The following BRDT variants were observed in gnomAD, a reference collection of about 807,000 sequenced individuals.
BRDT encodes bromodomain testis associated, also known as bromodomain testis-specific protein.
Under a neutral mutation model 113.9 loss-of-function variants are expected in BRDT, and 77 were observed. The observed-to-expected ratio is 0.68, with a 90% confidence interval of 0.56 to 0.82. BRDT has a LOEUF of 0.82. Ranked by LOEUF, BRDT falls within the 40% of genes least tolerant of loss-of-function variation. The pLI, the probability that BRDT is intolerant of heterozygous loss-of-function variation, is 0.00. For missense variants in BRDT, 1,027 were observed against 1,105.4 expected, an observed-to-expected ratio of 0.93 and a Z score of 1.01; for synonymous variants, 358 against 366.5, an observed-to-expected ratio of 0.98 and a Z score of 0.26.
At chr1:91,956,425 T>C (rs1681774400) in intron 1 of BRDT, among the ~76,000 whole-genome samples, 2 of 152,068 alleles carry the variant, frequency 1.3e-5, no homozygotes, top group Admixed American at 1.3e-4. Flanking sequence ...ATTTTAGCAC[T>C]GTCCCTTAGA....
At chr1:91,993,394 T>G (rs911887278) in intron 14 of BRDT, among the ~76,000 whole-genome samples, 18 of 152,176 alleles carry the variant, frequency 1.2e-4, no homozygotes, top group African/African-American at 4.1e-4. Context: ...AGGTGTGAGA[T>G]TTCAGGTAAG....
intron 18 of BRDT, 46 bp downstream of exon 18, chr1:92,005,345 T>G: frequency 6.9e-7 from 1 of 1,445,498 alleles, no homozygotes; most frequent in Non-Finnish European, 9.1e-7. Context: ...AAGGGAAAGA[T>G]TTAACAGAGC....
chr1:91,962,595 A>G, intron 1 of BRDT, 123 bp from the exon 2 acceptor site: 1 of 485,454 alleles, frequency 2.1e-6, no homozygotes, highest in Non-Finnish European at 3.4e-6. Flanking sequence ...TGGCCTCCCA[A>G]AGTGTTGAGA....
Position 91,977,075 on chromosome 1 carries a change from A to G in BRDT, c.651A>G (p.Thr217=). 6.2e-7 allele frequency: 1 copy of G among 1,610,466 alleles called. No individual in the cohort carries two copies. The highest frequency in any genetic ancestry group is 8.5e-7 in the Non-Finnish European group (1 of 1,178,558). ...VTKGVKRKAD[T]TTPATSAVKA... Reference sequence around the variant, plus strand: ...AAGGTGTGAAGAGGAAAGCAGATACAACAACTCCTGCAACTTCAGCAGTTA... The same window carrying G: ...AAGGTGTGAAGAGGAAAGCAGATACGACAACTCCTGCAACTTCAGCAGTTA... The change falls in exon 6 of 19, where the codon ACA becomes ACG. Residue 217 remains threonine, a synonymous_variant. Coordinates refer to ENST00000399546, the MANE Select transcript of BRDT (RefSeq NM_207189.4).
At chr1:91,957,965 A>G (rs1186004949) in intron 1 of BRDT, among the ~76,000 whole-genome samples, 1 of 151,950 alleles carries the variant, frequency 6.6e-6, no homozygotes, top group Non-Finnish European at 1.5e-5. Context: ...TCAGCCTCCA[A>G]GCAGCTGGGA....
chr1:91,977,965 T>G (rs1246475222), intron 6 of BRDT, among the ~76,000 whole-genome samples: 2 of 152,200 alleles, frequency 1.3e-5, no homozygotes, highest in Non-Finnish European at 2.9e-5. Flanking sequence ...TCATCTCTAC[T>G]TGTCAAAATT....
Position 91,962,945 on chromosome 1 carries a change from CTGTA to C in BRDT, c.192+7_192+10del. ...GTGGATGCTGTGAAACTACAGTTGC[CTGTA>C]TGTATGTCTTCAACTATGTTAGTTT... On this transcript the variant is annotated splice_donor_variant and splice_donor_region_variant and coding_sequence_variant and intron_variant, in exon 2 of 19. Coordinates refer to ENST00000399546, the MANE Select transcript of BRDT (RefSeq NM_207189.4). LOFTEE classifies it high-confidence loss of function. The C allele has an allele frequency of 6.3e-7, 1 of 1,582,270 alleles. No individual in the cohort carries two copies. Among genetic ancestry groups the C allele is most frequent in the Non-Finnish European group, 8.6e-7 (1 of 1,167,734 alleles).
chr1:91,964,910 A>AT (rs1302641462), intron 3 of BRDT, 146 bp downstream of exon 3: 13,204 of 234,032 alleles, frequency 0.056, 278 homozygotes, highest in African/African-American at 0.12. Flanking sequence ...TGTGTATATA[A>AT]TTTTTTTTTT....
At chr1:91,957,885 C>T (rs191049762) in intron 1 of BRDT, among the ~76,000 whole-genome samples, 1 of 152,204 alleles carries the variant, frequency 6.6e-6, no homozygotes, top group Non-Finnish European at 1.5e-5. Context: ...CTGTGTCACC[C>T]AGGCTGGAGT....
Position 91,949,423 on chromosome 1 carries a change from A to G in BRDT, c.-297A>G, listed in dbSNP as rs568839503. The G allele has an allele frequency of 4.8e-3, 725 of 152,390 alleles. 3 individuals are homozygous for G. Among genetic ancestry groups the G allele is most frequent in the Non-Finnish European group, 7.7e-3 (526 of 68,070 alleles). The allele number at this position is 152,390 out of a possible 1,614,324, so 9.4% of individuals were successfully genotyped here. A position where few individuals can be genotyped will look rare whatever the true frequency, so the allele number is the denominator to read the frequency against. On this transcript the variant is annotated 5_prime_UTR_variant, in exon 1 of 19. Coordinates refer to ENST00000399546, the MANE Select transcript of BRDT (RefSeq NM_207189.4). Reference sequence around the variant, plus strand: ...ATTACAACAAAAACTGGCGGCGAGGAACTGCGGAGAACTGTTGCCCTGCAC... The same window carrying G: ...ATTACAACAAAAACTGGCGGCGAGGGACTGCGGAGAACTGTTGCCCTGCAC...
intron 18 of BRDT, among the ~76,000 whole-genome samples, chr1:92,008,751 A>C (rs1687551621): frequency 6.6e-6 from 1 of 152,204 alleles, no homozygotes; most frequent in Admixed American, 6.5e-5. Context: ...AGTTGGGATC[A>C]TGCCCTATGC....
chr1:92,010,071 T>C (rs1687663514), intron 18 of BRDT, among the ~76,000 whole-genome samples: 1 of 152,108 alleles, frequency 6.6e-6, no homozygotes, highest in African/African-American at 2.4e-5. Flanking sequence ...TATTGATCAC[T>C]GGGTTTCAGC....
intron 7 of BRDT, 33 bp from the exon 8 acceptor site, chr1:91,979,536 A>G (rs1684517911): frequency 1.3e-6 from 2 of 1,578,042 alleles, no homozygotes; most frequent in Non-Finnish European, 8.6e-7. Flanking sequence ...TAAAAAATAC[A>G]GAAAACCATA....
chr1:91,987,396 C>A (rs556694492), intron 12 of BRDT, among the ~76,000 whole-genome samples: 2 of 152,018 alleles, frequency 1.3e-5, no homozygotes, highest in African/African-American at 4.8e-5. Flanking sequence ...TGCAGTGGTG[C>A]GATCTCGGCT....
At chr1:91,959,653 G>GTATTTTTTGCAGAGATGGGGGGT (rs1682211667) in intron 1 of BRDT, among the ~76,000 whole-genome samples, 1 of 151,886 alleles carries the variant, frequency 6.6e-6, no homozygotes, top group East Asian at 1.9e-4. Context: ...ACTGATTTTT[G>GTATTTTTTGCAGAGATGGGGGGT]TATTTTTTGC....
chr1:91,973,341 G>A (rs1683810975), intron 4 of BRDT, among the ~76,000 whole-genome samples: 1 of 151,998 alleles, frequency 6.6e-6, no homozygotes, highest in Admixed American at 6.6e-5. Flanking sequence ...AGCTTGATGG[G>A]GATGGCATTG....
At chr1:91,982,644 G>A (rs558940137) in intron 12 of BRDT, among the ~76,000 whole-genome samples, 3 of 152,172 alleles carry the variant, frequency 2.0e-5, no homozygotes, top group East Asian at 1.9e-4. Flanking sequence ...CTTTTTTTCA[G>A]TGTGGTAGTA....
At chr1:91,987,289 T>G (rs967833893) in intron 12 of BRDT, among the ~76,000 whole-genome samples, 4 of 152,188 alleles carry the variant, frequency 2.6e-5, no homozygotes, top group Non-Finnish European at 4.4e-5. Context: ...TTAAAAGTCT[T>G]TGGTAATTAT....
At position 91,962,656 on chromosome 1, in the gene BRDT, T is replaced by G. The variant is rs1425856580; in HGVS notation, c.-37-62T>G. The G allele has an allele frequency of 4.8e-6, 5 of 1,038,440 alleles. No homozygotes were observed. In the African/African-American group the frequency reaches 5.0e-5, roughly 10 times the overall value. 64.3% of individuals were successfully genotyped at this position (1,038,440 alleles called of 1,614,324 possible). A position where few individuals can be genotyped will look rare whatever the true frequency, so the allele number is the denominator to read the frequency against. ...GCTTCTGTTACTCTTGAATAACACT[T>G]TTCAGCTCCTGTGGAAACCATTCCT... On this transcript the variant is annotated intron_variant, in intron 1 of 18. Transcript: ENST00000399546.
Sources: allele counts gnomAD v4.1 joint callset (sites outside exome capture counted in the v4.1 genomes callset), GRCh38; gene constraint gnomAD v4.1.1; transcripts MANE v1.5; gene names NCBI Gene and HGNC (gene_info 2026-07-23, HGNC 2026-07-21).